Variants in ARPC1A observed in about 807,000 individuals in gnomAD.
ARPC1A encodes actin-related protein 2/3 complex subunit 1A.
ARPC1A carries 8 observed loss-of-function variants against 46.9 expected under a neutral mutation model. That is an observed-to-expected ratio of 0.17 (90% CI 0.10 to 0.31). The LOEUF (loss-of-function observed/expected upper bound fraction) is 0.31, where lower values mean the gene tolerates loss of function less well. Among genes scored for constraint, ARPC1A ranks in the 10% least tolerant of loss-of-function variants. ARPC1A has a pLI of 1.00. For synonymous variants in ARPC1A, 152 were observed against 169.0 expected (o/e 0.90, Z 0.78); for missense variants, 286 against 483.6 (o/e 0.59, Z 3.83).
chr7:99,333,944 C>G (rs181992635), intron 2 of ARPC1A, among the ~76,000 whole-genome samples: 10 of 151,344 alleles, frequency 6.6e-5, no homozygotes, highest in Admixed American at 4.6e-4. Flanking sequence ...CAAGACCAAC[C>G]TGAGCAACAT....
chr7:99,358,498 C>A, intron 7 of ARPC1A, 83 bp downstream of exon 7: 1 of 1,143,448 alleles, frequency 8.7e-7, no homozygotes, highest in Non-Finnish European at 1.3e-6. Flanking sequence ...GTCACCCTAG[C>A]ACAAAGCAGA....
intron 2 of ARPC1A, among the ~76,000 whole-genome samples, chr7:99,334,140 C>G (rs2150859425): frequency 6.6e-6 from 1 of 151,388 alleles, no homozygotes; most frequent in Non-Finnish European, 1.5e-5. Flanking sequence ...GCGGGCAGAT[C>G]ATTTGAGGTC....
At chr7:99,362,507 T>C (rs1427825834) in intron 8 of ARPC1A, among the ~76,000 whole-genome samples, 1 of 149,400 alleles carries the variant, frequency 6.7e-6, no homozygotes, top group Non-Finnish European at 1.5e-5. Context: ...AATTTTTTTT[T>C]TTTTTTTGTA....
intron 5 of ARPC1A, among the ~76,000 whole-genome samples, chr7:99,352,727 G>A (rs9918551): frequency 0.12 from 18,356 of 151,842 alleles, 1,526 homozygotes; most frequent in East Asian, 0.35. Context: ...CACTTTGGGA[G>A]GCCAAGGCAG....
At chr7:99,360,036 C>T in intron 8 of ARPC1A, 1 of 454,722 alleles carries the variant, frequency 2.2e-6, no homozygotes, top group Non-Finnish European at 4.0e-6. Flanking sequence ...CTCAGGGCAG[C>T]TGCTTCCTAG....
intron 2 of ARPC1A, among the ~76,000 whole-genome samples, chr7:99,337,128 A>C (rs1793268317): frequency 6.6e-6 from 1 of 152,020 alleles, no homozygotes; most frequent in South Asian, 2.1e-4. Flanking sequence ...GAGCACTGAA[A>C]ATTTGAAATC....
chr7:99,332,548 A>G (rs1793160609), intron 1 of ARPC1A, among the ~76,000 whole-genome samples: 1 of 152,154 alleles, frequency 6.6e-6, no homozygotes, highest in South Asian at 2.1e-4. Flanking sequence ...TAAATTCCAC[A>G]TTAGTTGTTA....
At chr7:99,358,238 C>A in intron 6 of ARPC1A, 102 bp from the exon 7 acceptor site, 1 of 1,157,568 alleles carries the variant, frequency 8.6e-7, no homozygotes, top group Non-Finnish European at 1.3e-6. Flanking sequence ...CCCATTGATA[C>A]TGCAGAAGCC....
chr7:99,326,177 C>T (rs377417325), intron 1 of ARPC1A, among the ~76,000 whole-genome samples, 173 bp downstream of exon 1: 5 of 152,280 alleles, frequency 3.3e-5, no homozygotes, highest in African/African-American at 1.2e-4. Context: ...TCCCCTTTCT[C>T]CGTGGATCCC....
intron 3 of ARPC1A, chr7:99,339,915 C>T: frequency 2.2e-6 from 1 of 450,426 alleles, no homozygotes. Flanking sequence ...ATCATTCCCA[C>T]CTGTCCTGTA....
chr7:99,340,893 A>G (rs1793346559), intron 3 of ARPC1A, among the ~76,000 whole-genome samples: 1 of 152,216 alleles, frequency 6.6e-6, no homozygotes, highest in South Asian at 2.1e-4. Flanking sequence ...CACCAAAGAC[A>G]GCGTTTCTAT....
intron 2 of ARPC1A, among the ~76,000 whole-genome samples, chr7:99,335,116 T>C (rs1793220132): frequency 6.6e-6 from 1 of 152,118 alleles, no homozygotes; most frequent in Non-Finnish European, 1.5e-5. Context: ...AGTGCTGGGA[T>C]TACAGGTGTA....
intron 2 of ARPC1A, chr7:99,335,326 T>C: frequency 2.6e-6 from 1 of 388,422 alleles, no homozygotes; most frequent in South Asian, 1.9e-5. Flanking sequence ...CACCTTTTGT[T>C]GAAAACTATC....
intron 6 of ARPC1A, among the ~76,000 whole-genome samples, chr7:99,354,887 C>T (rs1305028482): frequency 4.6e-5 from 7 of 151,172 alleles, no homozygotes; most frequent in South Asian, 4.2e-4. Flanking sequence ...CTGAGGCGGG[C>T]GGATCACTTG....
chr7:99,336,237 T>C (rs903773542), intron 2 of ARPC1A, among the ~76,000 whole-genome samples: 1 of 152,186 alleles, frequency 6.6e-6, no homozygotes. Flanking sequence ...ATTTATAACA[T>C]TTTCCAGGTT....
In ARPC1A at chr7:99,354,383, G is replaced by A. The variant is rs147956958; in HGVS notation, c.713+262G>A. 2.8e-3 allele frequency among the ~76,000 whole-genome samples: 419 copies of A among 151,770 alleles called. 2 individuals are homozygous for A. Among genetic ancestry groups the A allele is most frequent in the Middle Eastern group, 0.01 (3 of 294 alleles). ...TAAAAATAAAAAAAATTATCCAGGTGTGGTGGTAGGCGCCTGTACTCCCAG... is the reference window on the plus strand; with the variant it reads ...TAAAAATAAAAAAAATTATCCAGGTATGGTGGTAGGCGCCTGTACTCCCAG... On this transcript the variant is annotated intron_variant, in intron 6 of 9. Transcript: ENST00000262942.
At chr7:99,344,675 T>C (rs1217107814) in intron 4 of ARPC1A, among the ~76,000 whole-genome samples, 160 bp downstream of exon 4, 1 of 152,140 alleles carries the variant, frequency 6.6e-6, no homozygotes, top group Non-Finnish European at 1.5e-5. Context: ...CTCATGTGCA[T>C]GTTAAGTTAA....
rs558597138 is a variant in ARPC1A at position 99,365,626 on chromosome 7, A to AAT, written c.1075-264_1075-263insTA. 5.5e-4 allele frequency among the ~76,000 whole-genome samples: 84 copies of AAT among 151,754 alleles called. 1 individual carries two copies. The highest frequency in any genetic ancestry group is 5.4e-3 in the East Asian group (28 of 5,148). ...CAAGACCCTATCTTTAAAAAAAAAA[A>AAT]AAAAGAGGAGTGAGGAGTGTGCCCA... On this transcript the variant is annotated intron_variant, in intron 9 of 9. Transcript: ENST00000262942.
At position 99,366,022 on chromosome 7, in the gene ARPC1A, C is replaced by T; in HGVS notation, c.*93C>T. 3 of 1,405,606 alleles carry T rather than the reference C, an allele frequency of 2.1e-6. No homozygotes were observed. The highest frequency in any genetic ancestry group is 2.9e-6 in the Non-Finnish European group (3 of 1,021,478). 87.1% of individuals were successfully genotyped at this position (1,405,606 alleles called of 1,614,324 possible). ...GGCGAGGAAGCCAGCCCCAAGGAAA[C>T]ACTGAAAACACATATCACGCCAATG... On this transcript the variant is annotated 3_prime_UTR_variant, in exon 10 of 10. Transcript: ENST00000262942.
Sources: gnomAD v4.1 joint callset for allele counts (sites outside exome capture counted in the v4.1 genomes callset) on GRCh38, gnomAD v4.1.1 for gene constraint, MANE v1.5 for transcripts, NCBI Gene and HGNC (gene_info 2026-07-23, HGNC 2026-07-21) for gene names.